LRP1B: variants seen among roughly 807,000 people sequenced by gnomAD.
The protein encoded by LRP1B is LDL receptor related protein 1B, also known as low-density lipoprotein receptor-related protein 1B.
LRP1B carries 217 observed loss-of-function variants against 556.6 expected under a neutral mutation model. The ratio of observed to expected loss-of-function variants is 0.39; its 90% CI spans 0.35 to 0.44. LRP1B has a LOEUF of 0.44. Among genes scored for constraint, LRP1B ranks in the 20% least tolerant of loss-of-function variants. The pLI is 1.00. For missense variants in LRP1B, 5,053 were observed against 5,620.8 expected (o/e 0.90, Z 3.23); for synonymous variants, 2,047 against 1,865.8 (o/e 1.10, Z -2.50).
At chr2:141,041,695 A>G (rs1165025824) in intron 11 of LRP1B, among the ~76,000 whole-genome samples, 1 of 152,102 alleles carries the variant, frequency 6.6e-6, no homozygotes, top group African/African-American at 2.4e-5. Context: ...GGTTAACACT[A>G]ATTTGGTGTA....
At chr2:141,165,616 T>A (rs1680218306) in intron 7 of LRP1B, among the ~76,000 whole-genome samples, 1 of 151,998 alleles carries the variant, frequency 6.6e-6, no homozygotes, top group Admixed American at 6.6e-5. Flanking sequence ...CTTATCATCA[T>A]TCTCAACCAT....
chr2:140,515,596 A>T (rs1282002400), intron 50 of LRP1B, among the ~76,000 whole-genome samples: 4 of 152,030 alleles, frequency 2.6e-5, no homozygotes, highest in Admixed American at 1.3e-4. Flanking sequence ...CAATTGCAAA[A>T]CTTTGCATTT....
intron 1 of LRP1B, among the ~76,000 whole-genome samples, chr2:142,076,359 T>G (rs1705501803): frequency 6.6e-6 from 1 of 152,094 alleles, no homozygotes. Context: ...AACATTAGGC[T>G]TATCCATTTA....
intron 66 of LRP1B, among the ~76,000 whole-genome samples, chr2:140,424,480 T>G (rs1685574720): frequency 6.6e-6 from 1 of 152,224 alleles, no homozygotes; most frequent in South Asian, 2.1e-4. Context: ...CTCACCATGC[T>G]TATAGAAAAT....
intron 86 of LRP1B, among the ~76,000 whole-genome samples, chr2:140,264,702 ATGTGTGTGTG>A (rs3033314): frequency 0.04 from 5,977 of 148,858 alleles, 284 homozygotes; most frequent in African/African-American, 0.11. Context: ...TTGTCTATAT[ATGTGTGTGTG>A]TGTGTGTGTG....
chr2:140,443,312 C>T (rs1426851430), intron 65 of LRP1B, among the ~76,000 whole-genome samples: 4 of 152,162 alleles, frequency 2.6e-5, no homozygotes, highest in African/African-American at 7.2e-5. Context: ...CCACCCACCT[C>T]GGCCTCCTAA....
intron 17 of LRP1B, among the ~76,000 whole-genome samples, chr2:140,983,564 T>C (rs72991742): frequency 0.081 from 12,402 of 152,176 alleles, 749 homozygotes; most frequent in African/African-American, 0.17. Context: ...AAATAATTTC[T>C]TAAAAGATAT....
intron 66 of LRP1B, among the ~76,000 whole-genome samples, chr2:140,433,573 A>G (rs1055412219): frequency 2.0e-5 from 3 of 152,198 alleles, no homozygotes; most frequent in Admixed American, 2.0e-4. Flanking sequence ...CTAAAACAAT[A>G]TGCATTAACT....
intron 66 of LRP1B, among the ~76,000 whole-genome samples, chr2:140,399,855 T>C (rs1329106816): frequency 6.6e-6 from 1 of 152,214 alleles, no homozygotes; most frequent in Middle Eastern, 3.2e-3. Context: ...GGATACATTG[T>C]ACATTGTAAG....
Position 141,388,873 on chromosome 2 carries a change from A to G in LRP1B, c.343+91523T>C, listed in dbSNP as rs902614761. On this transcript the variant is annotated intron_variant, in intron 3 of 90. Transcript: ENST00000389484. ...TTCCTCACACTAGCAATAAACAAAA[A>G]TAATTGAAAAAACTACATTTATAAC... 3.3e-5 allele frequency among the ~76,000 whole-genome samples: 5 copies of G among 152,316 alleles called. No individual in the cohort carries two copies. In the South Asian group the frequency reaches 8.3e-4, roughly 25 times the overall value.
intron 7 of LRP1B, among the ~76,000 whole-genome samples, chr2:141,182,818 C>T (rs76988157): frequency 0.051 from 7,707 of 150,646 alleles, 232 homozygotes; most frequent in African/African-American, 0.08. Flanking sequence ...ACTTTTGTTA[C>T]GGGGGGGAGT....
intron 1 of LRP1B, among the ~76,000 whole-genome samples, chr2:142,036,165 C>A (rs1398473360): frequency 6.6e-6 from 1 of 151,674 alleles, no homozygotes; most frequent in African/African-American, 2.4e-5. Flanking sequence ...TGCTAGTATT[C>A]CCTTTCCTAC....
chr2:142,095,578 A>G (rs1204301074), intron 1 of LRP1B, among the ~76,000 whole-genome samples: 1 of 151,730 alleles, frequency 6.6e-6, no homozygotes, highest in Non-Finnish European at 1.5e-5. Flanking sequence ...GAGAGTACCC[A>G]TAGGGTTATA....
At position 142,015,997 on chromosome 2, in the gene LRP1B, A is replaced by AAAAAAAAAAT. The variant is rs1703117019; in HGVS notation, c.82+114650_82+114651insATTTTTTTTT. Among the ~76,000 whole-genome samples, 2 of 148,176 alleles carry AAAAAAAAAAT rather than the reference A, an allele frequency of 1.3e-5. 1 individual carries two copies. Among genetic ancestry groups the AAAAAAAAAAT allele is most frequent in the Non-Finnish European group, 3.0e-5 (2 of 66,916 alleles). On this transcript the variant is annotated intron_variant, in intron 1 of 90. Coordinates refer to ENST00000389484, the MANE Select transcript of LRP1B (RefSeq NM_018557.3). ...ACAGCGCGAGACTCCATCTCAAAAAAAAAAAAAAAAAAAAAGTGGGTGAAG... is the reference window on the plus strand; with the variant it reads ...ACAGCGCGAGACTCCATCTCAAAAAAAAAAAAAAATAAAAAAAAAAAAAAAGTGGGTGAAG...
At chr2:140,504,370 T>A (rs1167371177) in intron 53 of LRP1B, among the ~76,000 whole-genome samples, 1 of 152,176 alleles carries the variant, frequency 6.6e-6, no homozygotes, top group Non-Finnish European at 1.5e-5. Context: ...CCAACTTTGA[T>A]CTTGCTGTTC....
intron 47 of LRP1B, among the ~76,000 whole-genome samples, chr2:140,531,822 T>G (rs1690707036): frequency 6.6e-6 from 1 of 152,176 alleles, no homozygotes. Flanking sequence ...AGTTCATGCC[T>G]GCCCTCTTAC....
chr2:140,858,501 G>GGAGAGAGAGAGAGA lies in LRP1B; in HGVS notation c.4580-6732_4580-6719dup, dbSNP rs35791983. Among the ~76,000 whole-genome samples, 94 of 139,936 alleles carry GGAGAGAGAGAGAGA rather than the reference G, an allele frequency of 6.7e-4. 1 individual carries two copies. The highest frequency in any genetic ancestry group is 2.1e-3 in the Admixed American group (28 of 13,488). The allele number at this position is 139,936 out of a possible 152,430, so 91.8% of individuals were successfully genotyped here. On this transcript the variant is annotated intron_variant, in intron 27 of 90. Coordinates refer to ENST00000389484, the MANE Select transcript of LRP1B (RefSeq NM_018557.3). ...TATATAATATATATTTTATATATAT[G>GGAGAGAGAGAGAGA]GAGAGAGAGAGAGAGAGAGAGAGAG...
intron 67 of LRP1B, among the ~76,000 whole-genome samples, chr2:140,382,385 T>C (rs1050939567): frequency 2.0e-5 from 3 of 152,176 alleles, no homozygotes; most frequent in African/African-American, 4.8e-5. Flanking sequence ...AATCAGTAAC[T>C]TAGATGGCAT....
chr2:140,777,007 T>G (rs1689522860), intron 32 of LRP1B, among the ~76,000 whole-genome samples: 1 of 152,198 alleles, frequency 6.6e-6, no homozygotes, highest in Admixed American at 6.5e-5. Context: ...ATTTACATAT[T>G]TCATCTCCCT....
Sources: gnomAD v4.1 joint callset for allele counts (sites outside exome capture counted in the v4.1 genomes callset) on GRCh38, gnomAD v4.1.1 for gene constraint, MANE v1.5 for transcripts, NCBI Gene and HGNC (gene_info 2026-07-23, HGNC 2026-07-21) for gene names.